The following SOD2 variants were observed in gnomAD, a reference collection of about 807,000 sequenced individuals.
SOD2 encodes the protein superoxide dismutase 2, also known as superoxide dismutase [Mn], mitochondrial.
A neutral mutation model predicts 27.0 loss-of-function variants in SOD2; 11 were observed. The ratio of observed to expected loss-of-function variants is 0.41; its 90% confidence interval spans 0.26 to 0.67. The LOEUF is 0.67. Among genes scored for constraint, SOD2 ranks in the 30% least tolerant of loss-of-function variants. The probability of loss-of-function intolerance (pLI) is 0.34; values close to 1 mark genes in which losing one functional copy is unlikely to be tolerated. For synonymous variants in SOD2, 105 were observed against 103.0 expected, an observed-to-expected ratio of 1.02 and a Z score of -0.12; for missense variants, 250 against 274.5, an observed-to-expected ratio of 0.91 and a Z score of 0.63.
intron 1 of SOD2, among the ~76,000 whole-genome samples, chr6:159,715,091 C>T (rs1345534819): frequency 1.3e-5 from 2 of 151,810 alleles, no homozygotes; most frequent in Admixed American, 6.6e-5. Context: ...ATGTCTAGTC[C>T]ATTTTCCCAG....
chr6:159,710,991 C>T (rs957983372), intron 1 of SOD2, among the ~76,000 whole-genome samples: 2 of 113,472 alleles, frequency 1.8e-5, no homozygotes, highest in East Asian at 3.4e-4. Context: ...AACCACCACT[C>T]ACACTGCTCT....
At position 159,739,824 on chromosome 6, in the gene SOD2, CTTTTTTTTTTTTTTTT is replaced by C. The variant is rs56389349; in HGVS notation, c.-116+5290_-116+5305del. Among the ~76,000 whole-genome samples the C allele has an allele frequency of 1.5e-4, 13 of 85,188 alleles. No homozygotes were observed. In the East Asian group the frequency reaches 1.9e-3, roughly 12 times the overall value. The allele number at this position is 85,188 out of a possible 152,430, so 55.9% of individuals were successfully genotyped here. ...ACTGTATTATGAACACACTTTTTAC[CTTTTTTTTTTTTTTTT>C]TTTTTTTTTTTTTTTTTGCCATAAT... On this transcript the variant is annotated intron_variant, in intron 1 of 3. Transcript: ENST00000537657.
intron 1 of SOD2, among the ~76,000 whole-genome samples, chr6:159,698,863 C>T (rs1777476971): frequency 7.0e-6 from 1 of 142,704 alleles, no homozygotes; most frequent in East Asian, 2.1e-4. Context: ...AGTGGATCAT[C>T]ATAAAGGTCT....
chr6:159,682,770 T>A, intron 4 of SOD2, 132 bp from the exon 5 acceptor site: 1 of 788,688 alleles, frequency 1.3e-6, no homozygotes, highest in Non-Finnish European at 1.8e-6. Context: ...CTTGTTTTTT[T>A]ATATAAGTAG....
At chr6:159,731,903 A>G (rs183112165), upstream of SOD2, among the ~76,000 whole-genome samples, 2 of 152,186 alleles carry the variant, frequency 1.3e-5, no homozygotes, top group African/African-American at 4.8e-5. Flanking sequence ...ACAGATTATC[A>G]TCTCATTTTT....
intron 1 of SOD2, among the ~76,000 whole-genome samples, chr6:159,709,595 A>G (rs562011596): frequency 2.0e-5 from 3 of 152,316 alleles, no homozygotes; most frequent in East Asian, 3.9e-4. Flanking sequence ...AAGAATGGCA[A>G]TCATTAAAAA....
intron 1 of SOD2, among the ~76,000 whole-genome samples, chr6:159,710,647 C>G (rs1166740917): frequency 6.6e-6 from 1 of 152,108 alleles, no homozygotes. Flanking sequence ...CTGACAGTCA[C>G]TGGAGTTTTC....
At chr6:159,686,116 G>A (rs1408829088) in intron 3 of SOD2, among the ~76,000 whole-genome samples, 2 of 152,094 alleles carry the variant, frequency 1.3e-5, no homozygotes, top group South Asian at 2.1e-4. Flanking sequence ...TAGTAATACA[G>A]AATATAATTC....
At chr6:159,694,202 A>G (rs1777372334), upstream of SOD2, among the ~76,000 whole-genome samples, 1 of 152,216 alleles carries the variant, frequency 6.6e-6, no homozygotes, top group Non-Finnish European at 1.5e-5. Flanking sequence ...GCTGTCTTGT[A>G]GCCTAGTAAG....
chr6:159,712,593 T>C (rs1777840713), intron 1 of SOD2, among the ~76,000 whole-genome samples: 1 of 140,622 alleles, frequency 7.1e-6, no homozygotes, highest in African/African-American at 2.7e-5. Flanking sequence ...CCTAACCGCC[T>C]CCACAACGAC....
intron 1 of SOD2, among the ~76,000 whole-genome samples, chr6:159,708,595 A>T (rs1777671493): frequency 6.6e-6 from 1 of 152,244 alleles, no homozygotes; most frequent in Non-Finnish European, 1.5e-5. Flanking sequence ...GAGAACTACA[A>T]ACCACTGCTC....
At chr6:159,710,169 C>T (rs1006754098) in intron 1 of SOD2, among the ~76,000 whole-genome samples, 8 of 151,198 alleles carry the variant, frequency 5.3e-5, no homozygotes, top group African/African-American at 9.7e-5. Context: ...ATGTAAATGT[C>T]GAGTTAATGG....
chr6:159,698,263 A>G (rs1777461831), upstream of SOD2, among the ~76,000 whole-genome samples: 1 of 145,406 alleles, frequency 6.9e-6, no homozygotes. Flanking sequence ...ACAGAGTGGG[A>G]CTCAGTGTCA....
chr6:159,737,382 G>A (rs576365371), intron 1 of SOD2, among the ~76,000 whole-genome samples: 1 of 152,104 alleles, frequency 6.6e-6, no homozygotes, highest in South Asian at 2.1e-4. Context: ...TAGTTCCCTC[G>A]TTCCATTTTA....
intron 1 of SOD2, among the ~76,000 whole-genome samples, chr6:159,737,199 C>T (rs1402867670): frequency 6.6e-6 from 1 of 152,042 alleles, no homozygotes; most frequent in Non-Finnish European, 1.5e-5. Flanking sequence ...CAAGTACGTG[C>T]CACCACGCCC....
rs911742373 is a variant in SOD2 at position 159,675,441 on chromosome 6, C to T, written c.*7052G>A. The T allele has an allele frequency of 6.6e-6, 1 of 152,112 alleles. No homozygotes were observed. Among genetic ancestry groups the T allele is most frequent in the Non-Finnish European group, 1.5e-5 (1 of 68,026 alleles). 9.4% of individuals were successfully genotyped at this position (152,112 alleles called of 1,614,324 possible). Reference sequence around the variant, plus strand: ...CAGAACAGAGCCCTCAGAAATAATACCACACATCTACAACTATCTGATCTT... The same window carrying T: ...CAGAACAGAGCCCTCAGAAATAATATCACACATCTACAACTATCTGATCTT... On this transcript the variant is annotated 3_prime_UTR_variant, in exon 5 of 5. Coordinates refer to ENST00000538183, the MANE Select transcript of SOD2 (RefSeq NM_000636.4).
Position 159,673,704 on chromosome 6 carries a change from A to C in SOD2, c.*8789T>G, listed in dbSNP as rs1302271448. The C allele has an allele frequency of 6.6e-6, 1 of 152,252 alleles. No homozygotes were observed. Among genetic ancestry groups the C allele is most frequent in the African/African-American group, 2.4e-5 (1 of 41,458 alleles). 9.4% of individuals were successfully genotyped at this position (152,252 alleles called of 1,614,324 possible). A position where few individuals can be genotyped will look rare whatever the true frequency, so the allele number is the denominator to read the frequency against. The stretch of plus-strand genomic sequence containing the variant: ...TTAAAAATATTAGAGAAGCAAGAGC[A>C]AACACATTCAACAGCTAGCAGAAGA... On this transcript the variant is annotated 3_prime_UTR_variant, in exon 5 of 5. Coordinates refer to ENST00000538183, the MANE Select transcript of SOD2 (RefSeq NM_000636.4).
intron 1 of SOD2, among the ~76,000 whole-genome samples, chr6:159,700,779 T>C (rs1263544940): frequency 1.3e-5 from 2 of 152,196 alleles, no homozygotes; most frequent in African/African-American, 4.8e-5. Flanking sequence ...TCTCTCTGAG[T>C]GCACTTTGAA....
chr6:159,671,200 C>T lies in SOD2; in HGVS notation c.*11293G>A, dbSNP rs1273224134. On this transcript the variant is annotated 3_prime_UTR_variant, in exon 5 of 5. Coordinates refer to ENST00000538183, the MANE Select transcript of SOD2 (RefSeq NM_000636.4). ...TAGCCGAACAAAAGGCAGCAGAAAT[C>T]TCTGCAGACTTCAATGTCCCTGTCT... The T allele has an allele frequency of 2.6e-5, 4 of 152,398 alleles. No homozygotes were observed. Among genetic ancestry groups the T allele is most frequent in the African/African-American group, 9.6e-5 (4 of 41,472 alleles). The allele number at this position is 152,398 out of a possible 1,614,324, so 9.4% of individuals were successfully genotyped here. A position where few individuals can be genotyped will look rare whatever the true frequency, so the allele number is the denominator to read the frequency against.
Sources: gnomAD v4.1 joint callset for allele counts (sites outside exome capture counted in the v4.1 genomes callset) on GRCh38, gnomAD v4.1.1 for gene constraint, MANE v1.5 for transcripts, NCBI Gene and HGNC (gene_info 2026-07-23, HGNC 2026-07-21) for gene names.